The following TOP6BL variants were observed in gnomAD, a reference collection of about 807,000 sequenced individuals.
The protein encoded by TOP6BL is type 2 DNA topoisomerase 6 subunit B-like.
chr11:66,821,794 C>A, the TOP6BL span: 1 of 1,608,208 alleles, frequency 6.2e-7, no homozygotes, highest in Non-Finnish European at 8.5e-7. Context: ...CTCTTTTCTC[C>A]TATTCTCTAA....
chr11:66,771,059 C>T, the TOP6BL span, among the ~76,000 whole-genome samples: 3 of 151,840 alleles, frequency 2.0e-5, no homozygotes. Flanking sequence ...TTATATAATT[C>T]TCATAGTGTA....
the TOP6BL span, among the ~76,000 whole-genome samples, chr11:66,760,662 G>A: frequency 2.0e-4 from 30 of 146,568 alleles, no homozygotes; most frequent in Non-Finnish European, 4.2e-4. Context: ...AAATTAGCCA[G>A]GGAAGGTGGT....
chr11:66,782,496 C>T, the TOP6BL span, among the ~76,000 whole-genome samples: 1 of 152,140 alleles, frequency 6.6e-6, no homozygotes, highest in Non-Finnish European at 1.5e-5. Flanking sequence ...ATTCCAGGTA[C>T]TTTCACAACT....
the TOP6BL span, chr11:66,828,616 A>G: frequency 7.4e-6 from 3 of 405,134 alleles, no homozygotes; most frequent in Middle Eastern, 7.4e-4. Context: ...TATTTCAGGC[A>G]GGAGGGTAGA....
chr11:66,785,036 A>G, the TOP6BL span, among the ~76,000 whole-genome samples: 6 of 144,078 alleles, frequency 4.2e-5, no homozygotes, highest in Admixed American at 2.9e-4. Flanking sequence ...GCTCACTGCA[A>G]CCTCCACCTC....
chr11:66,841,411 C>T, the TOP6BL span, among the ~76,000 whole-genome samples: 1 of 152,160 alleles, frequency 6.6e-6, no homozygotes, highest in Non-Finnish European at 1.5e-5. Flanking sequence ...CCACCGCGCC[C>T]GGCCAAGAGG....
chr11:66,782,287 A>G, the TOP6BL span, among the ~76,000 whole-genome samples: 3 of 152,104 alleles, frequency 2.0e-5, no homozygotes, highest in Non-Finnish European at 4.4e-5. Context: ...GAAGGCCAAC[A>G]TTTTTCAGCA....
chr11:66,818,237 T>C, the TOP6BL span, among the ~76,000 whole-genome samples: 2 of 152,230 alleles, frequency 1.3e-5, no homozygotes, highest in Non-Finnish European at 2.9e-5. Flanking sequence ...CATTGTTGGC[T>C]GTGGTATTCT....
chr11:66,824,424 TTA>T, the TOP6BL span, among the ~76,000 whole-genome samples: 23 of 45,288 alleles, frequency 5.1e-4, no homozygotes, highest in African/African-American at 1.9e-3. Context: ...TTTGTATTTA[TTA>T]TTATTATTAT....
chr11:66,755,121 AT>A, the TOP6BL span, among the ~76,000 whole-genome samples: 4,495 of 140,574 alleles, frequency 0.032, 176 homozygotes, highest in African/African-American at 0.1. Flanking sequence ...TAGTTTCTAG[AT>A]TTTTTTTTTT....
At chr11:66,756,337 C>CT in the TOP6BL span, 17,917 of 1,006,230 alleles carry the variant, frequency 0.018, no homozygotes, top group South Asian at 0.033. Context: ...CTTTTCCCCC[C>CT]TTTTTTTTTT....
At chr11:66,761,963 C>A in the TOP6BL span, 2 of 1,562,442 alleles carry the variant, frequency 1.3e-6, no homozygotes, top group South Asian at 1.1e-5. Context: ...TCTGCCCTTG[C>A]GAGGGTTCCT....
At chr11:66,813,216 A>G in the TOP6BL span, among the ~76,000 whole-genome samples, 1 of 152,152 alleles carries the variant, frequency 6.6e-6, no homozygotes. Context: ...GAGGACAGGT[A>G]TTATCTGGAT....
At chr11:66,804,287 C>A in the TOP6BL span, 2 of 962,104 alleles carry the variant, frequency 2.1e-6, no homozygotes, top group Non-Finnish European at 1.5e-6. Flanking sequence ...TCTGCATCTA[C>A]AAATATATAT....
the TOP6BL span, among the ~76,000 whole-genome samples, chr11:66,829,742 A>G: frequency 2.0e-5 from 3 of 151,900 alleles, no homozygotes; most frequent in African/African-American, 7.3e-5. Flanking sequence ...TAGAAAAATT[A>G]GCCAGGCATG....
the TOP6BL span, among the ~76,000 whole-genome samples, chr11:66,838,679 C>T: frequency 6.6e-6 from 1 of 152,108 alleles, no homozygotes; most frequent in South Asian, 2.1e-4. Flanking sequence ...CAGATAGCTG[C>T]ACATGATGGG....
the TOP6BL span, among the ~76,000 whole-genome samples, chr11:66,762,974 A>G: frequency 1.3e-5 from 2 of 152,194 alleles, no homozygotes; most frequent in African/African-American, 4.8e-5. Context: ...GGAGGACAAG[A>G]TGGAAGAATC....
chr11:66,764,105 A>G, the TOP6BL span, among the ~76,000 whole-genome samples: 2 of 152,094 alleles, frequency 1.3e-5, no homozygotes, highest in African/African-American at 2.4e-5. Flanking sequence ...TAATTATTCT[A>G]TTGCCTCTTT....
At chr11:66,786,545 C>T in the TOP6BL span, among the ~76,000 whole-genome samples, 7 of 152,138 alleles carry the variant, frequency 4.6e-5, no homozygotes, top group African/African-American at 1.7e-4. Flanking sequence ...TTGATTTCCC[C>T]CCAAATATCT....
Sources: allele counts gnomAD v4.1 joint callset (sites outside exome capture counted in the v4.1 genomes callset), GRCh38; gene constraint gnomAD v4.1.1; transcripts MANE v1.5; gene names NCBI Gene and HGNC (gene_info 2026-07-23, HGNC 2026-07-21).